The following LRRK2 variants were observed in gnomAD, a reference collection of about 807,000 sequenced individuals.
The protein encoded by LRRK2 is leucine-rich repeat serine/threonine-protein kinase 2.
Under a neutral mutation model 302.6 loss-of-function variants are expected in LRRK2, and 203 were observed. The observed-to-expected ratio is 0.67, with a 90% confidence interval of 0.60 to 0.75. The LOEUF (loss-of-function observed/expected upper bound fraction) is 0.75. Ranked by LOEUF, LRRK2 falls within the 30% of genes least tolerant of loss-of-function variation. The probability of loss-of-function intolerance (pLI) is 0.00; values close to 1 mark genes in which losing one functional copy is unlikely to be tolerated. For missense variants in LRRK2, 2,830 were observed against 2,951.0 expected (o/e 0.96, Z 0.95); for synonymous variants, 1,066 against 1,031.9 (o/e 1.03, Z -0.63).
rs200705669 is a variant in LRRK2 at position 40,298,406 on chromosome 12, A to G, written c.3260A>G (p.Gln1087Arg). The change falls in exon 24 of 51, where the codon CAG (glutamine) becomes CGG (arginine). Residue 1087 changes from glutamine to arginine, a missense_variant. Gln to Arg is a conservative substitution (Grantham distance 43). This residue lies in a region of LRRK2 where 2,121 missense variants were observed against 2,148.0 expected (regional missense o/e 0.99). Transcript: ENST00000298910. ...ACAGTGAAATGTCCAACTCTGAAACAGTTTAACCTGTCATATAACCAGCTG... is the reference window on the plus strand; with the variant it reads ...ACAGTGAAATGTCCAACTCTGAAACGGTTTAACCTGTCATATAACCAGCTG... ...DPTVKCPTLK[Q>R]FNLSYNQLSF... 3.1e-6 allele frequency: 5 copies of G among 1,613,962 alleles called. No homozygotes were observed. The highest frequency in any genetic ancestry group is 4.2e-6 in the Non-Finnish European group (5 of 1,179,966).
rs768735275 is a variant in LRRK2 at position 40,348,390 on chromosome 12, A to G, written c.6281-19A>G. 1 of 1,495,772 alleles carries G rather than the reference A, an allele frequency of 6.7e-7. No homozygotes were observed. The highest frequency in any genetic ancestry group is 9.3e-7 in the Non-Finnish European group (1 of 1,072,674). The allele number at this position is 1,495,772 out of a possible 1,614,324, so 92.7% of individuals were successfully genotyped here. On this transcript the variant is annotated intron_variant, in intron 42 of 50. Coordinates refer to ENST00000298910, the MANE Select transcript of LRRK2 (RefSeq NM_198578.4). Reference sequence around the variant, plus strand: ...CTTACTTATTTAGTATGCTAGCATGATGTTTTTTAATGTTTTAGATCCAGT... The same window carrying G: ...CTTACTTATTTAGTATGCTAGCATGGTGTTTTTTAATGTTTTAGATCCAGT...
intron 41 of LRRK2, among the ~76,000 whole-genome samples, chr12:40,342,980 C>T (rs1035812): frequency 0.77 from 116,722 of 151,998 alleles, 45,668 homozygotes; most frequent in Non-Finnish European, 0.86. Flanking sequence ...GACATATGTG[C>T]TATTATTATT....
chr12:40,267,899 A>G (rs143451410), intron 14 of LRRK2, among the ~76,000 whole-genome samples: 57 of 152,312 alleles, frequency 3.7e-4, no homozygotes, highest in African/African-American at 1.3e-3. Flanking sequence ...TGCAGACACA[A>G]GAAAATGAAT....
chr12:40,306,782 C>T (rs10878343), intron 28 of LRRK2, among the ~76,000 whole-genome samples: 23,513 of 152,146 alleles, frequency 0.15, 2,241 homozygotes, highest in Middle Eastern at 0.3. Context: ...TCATTCTCTT[C>T]TGCCTAAAAT....
chr12:40,366,148 C>G lies in LRRK2; in HGVS notation c.7391-858C>G, dbSNP rs1490549730. On this transcript the variant is annotated intron_variant, in intron 49 of 50. Transcript: ENST00000298910. Reference sequence around the variant, plus strand: ...GTACCTCTCCTGCCTCCATCATCTACCACATTCCTACCAGATCTTGCTTGT... The same window carrying G: ...GTACCTCTCCTGCCTCCATCATCTAGCACATTCCTACCAGATCTTGCTTGT... 7.2e-5 allele frequency: 11 copies of G among 151,936 alleles called. No individual in the cohort carries two copies. The East Asian group carries it at 2.1e-3, about 29-fold the overall frequency. 9.4% of individuals were successfully genotyped at this position (151,936 alleles called of 1,614,324 possible).
chr12:40,352,371 TATAAG>T (rs894328245), intron 44 of LRRK2, among the ~76,000 whole-genome samples: 8 of 151,980 alleles, frequency 5.3e-5, no homozygotes, highest in Non-Finnish European at 1.0e-4. Flanking sequence ...TGTTGGCAAA[TATAAG>T]ATAAGTTTCT....
intron 14 of LRRK2, among the ~76,000 whole-genome samples, chr12:40,273,210 G>A (rs17466009): frequency 1.3e-5 from 2 of 152,086 alleles, no homozygotes; most frequent in Admixed American, 6.6e-5. Context: ...CCACTTCTTA[G>A]CAGTCATTGT....
chr12:40,323,328 A>G, intron 38 of LRRK2, 22 bp downstream of exon 38: 1 of 1,593,252 alleles, frequency 6.3e-7, no homozygotes, highest in Non-Finnish European at 8.6e-7. Flanking sequence ...TGTTAATTTG[A>G]GAATAAAAAT....
At chr12:40,274,169 G>A (rs1431870571) in intron 14 of LRRK2, among the ~76,000 whole-genome samples, 4 of 152,144 alleles carry the variant, frequency 2.6e-5, no homozygotes, top group African/African-American at 9.7e-5. Context: ...AGGCAGCATT[G>A]CGTTTTACTG....
chr12:40,301,936 T>C (rs1365923118), intron 25 of LRRK2, among the ~76,000 whole-genome samples: 1 of 152,178 alleles, frequency 6.6e-6, no homozygotes, highest in Non-Finnish European at 1.5e-5. Flanking sequence ...CCCAGCACTT[T>C]GGGAGGCCGG....
intron 40 of LRRK2, among the ~76,000 whole-genome samples, chr12:40,339,930 C>A (rs1019890836): frequency 1.3e-5 from 2 of 152,170 alleles, no homozygotes; most frequent in Non-Finnish European, 2.9e-5. Flanking sequence ...AACATACTTA[C>A]ATTTTGAAAT....
intron 2 of LRRK2, among the ~76,000 whole-genome samples, chr12:40,231,576 C>CAAAAAAAAAAAAAAACA (rs1941191351): frequency 9.4e-6 from 1 of 105,884 alleles, no homozygotes; most frequent in African/African-American, 3.9e-5. Flanking sequence ...AAAACAAAAC[C>CAAAAAAAAAAAAAAACA]AAAAAAAAAA....
intron 6 of LRRK2, among the ~76,000 whole-genome samples, chr12:40,242,614 T>A (rs1941781108): frequency 6.6e-6 from 1 of 151,548 alleles, no homozygotes; most frequent in South Asian, 2.1e-4. Context: ...AGGAAACAGG[T>A]CATAGCTGAT....
rs542396554 is a variant in LRRK2, at chr12:40,285,022, G to T, written c.2500+889G>T. The stretch of plus-strand genomic sequence containing the variant: ...CCTTTATACATCAAGGTTTCCAACC[G>T]CTCAGTAGGCTCCAAAAGTTCCAAT... On this transcript the variant is annotated intron_variant, in intron 19 of 50. Transcript: ENST00000298910. Among the ~76,000 whole-genome samples, 5 of 152,080 alleles carry T rather than the reference G, an allele frequency of 3.3e-5. No individual in the cohort carries two copies. The South Asian group carries it at 1.0e-3, about 32-fold the overall frequency.
At chr12:40,268,872 C>A (rs548364868) in intron 14 of LRRK2, among the ~76,000 whole-genome samples, 1 of 152,070 alleles carries the variant, frequency 6.6e-6, no homozygotes, top group Non-Finnish European at 1.5e-5. Context: ...TCCTCGACTG[C>A]GGGAGGAAAA....
chr12:40,298,449 C>T lies in LRRK2; in HGVS notation c.3303C>T (p.Asn1101=). The change falls in exon 24 of 51, where the codon AAC becomes AAT. Residue 1101 remains asparagine (N), a synonymous_variant. Coordinates refer to ENST00000298910, the MANE Select transcript of LRRK2 (RefSeq NM_198578.4). The part of the protein sequence containing the change: ...SYNQLSFVPE[N]LTDVVEKLEQ... Reference sequence around the variant, plus strand: ...ACCAGCTGTCTTTTGTACCTGAGAACCTCACTGATGTGGTAGAGAAACTGG... The same window carrying T: ...ACCAGCTGTCTTTTGTACCTGAGAATCTCACTGATGTGGTAGAGAAACTGG... 6.2e-7 allele frequency: 1 copy of T among 1,613,830 alleles called. No homozygotes were observed. Among genetic ancestry groups the T allele is most frequent in the African/African-American group, 1.3e-5 (1 of 74,958 alleles).
At chr12:40,341,857 T>TA (rs1366089200) in intron 41 of LRRK2, among the ~76,000 whole-genome samples, 3 of 152,198 alleles carry the variant, frequency 2.0e-5, no homozygotes, top group African/African-American at 7.2e-5. Flanking sequence ...TCTTCACTAT[T>TA]AAAAAAGTCA....
intron 4 of LRRK2, 82 bp from the exon 5 acceptor site, chr12:40,237,887 T>C: frequency 6.9e-7 from 1 of 1,449,162 alleles, no homozygotes; most frequent in Non-Finnish European, 9.5e-7. Flanking sequence ...AGTCTTCATG[T>C]AAAAATTAAT....
intron 50 of LRRK2, 108 bp downstream of exon 50, chr12:40,367,185 G>T: frequency 4.2e-6 from 4 of 944,772 alleles, no homozygotes; most frequent in East Asian, 2.7e-5. Context: ...GGTATAATCA[G>T]GAATTTTAAT....
Sources: gnomAD v4.1 joint callset for allele counts (sites outside exome capture counted in the v4.1 genomes callset) on GRCh38, gnomAD v4.1.1 for gene constraint, gnomAD v4.1.1 regional missense constraint, MANE v1.5 for transcripts, NCBI Gene and HGNC (gene_info 2026-07-23, HGNC 2026-07-21) for gene names.